Variants in CUBN observed in about 807,000 individuals in gnomAD.
The protein encoded by CUBN is 460 kDa receptor.
CUBN carries 282 observed loss-of-function variants against 405.3 expected under a neutral mutation model. The observed-to-expected ratio is 0.70, with a 90% confidence interval of 0.63 to 0.77. CUBN has a LOEUF of 0.77. CUBN is among the 30% of genes least tolerant of loss of function. The pLI is 0.00. For missense variants in CUBN, 4,514 were observed against 4,475.2 expected (o/e 1.01, Z -0.25); for synonymous variants, 1,684 against 1,617.0 (o/e 1.04, Z -0.99).
In CUBN at chr10:16,842,702, T is replaced by A. The variant is rs186666865; in HGVS notation, c.9664-1655A>T. 3.9e-5 allele frequency among the ~76,000 whole-genome samples: 6 copies of A among 152,216 alleles called. No homozygotes were observed. In the East Asian group the frequency reaches 1.2e-3, roughly 29 times the overall value. ...TGCATGTCTGCAAACTCCAATGAGG[T>A]GATGCTCCTGCTCTGTCTAAAATGC... is the stretch of plus-strand genomic sequence containing the variant. On this transcript the variant is annotated intron_variant, in intron 60 of 66. Coordinates refer to ENST00000377833, the MANE Select transcript of CUBN (RefSeq NM_001081.4).
rs769025660 is a variant in CUBN, at chr10:16,982,502, T to C, written c.4677A>G (p.Pro1559=). The C allele has an allele frequency of 3.7e-6, 6 of 1,613,556 alleles. No individual in the cohort carries two copies. The highest frequency in any genetic ancestry group is 1.1e-5 in the South Asian group (1 of 91,090). The change falls in exon 31 of 67, where the codon CCA becomes CCG. Residue 1559 remains proline (P), a synonymous_variant. Transcript: ENST00000377833. ...CACTTACCATAATACAAGAGTCTTG[T>C]GGTTCAAGATCAAAGTCAGTGAAGT... The part of the protein sequence containing the change: ...LLNFTDFDLE[P]QDSCIMAYDG...
At chr10:16,939,178 C>T (rs750298846) in intron 37 of CUBN, 31 bp from the exon 38 acceptor site, 1 of 1,554,394 alleles carries the variant, frequency 6.4e-7, no homozygotes. Flanking sequence ...GTAAATCAGA[C>T]CCACTTAGAA....
chr10:17,008,231 C>CGT lies in CUBN; in HGVS notation c.4168+11600_4168+11601dup, dbSNP rs141646040. ...GCCCCATGGCTGTAGAGTCCCTGCC[C>CGT]GTGTGTGGTGTGTGTGTGTGTGTGT... On this transcript the variant is annotated intron_variant, in intron 28 of 66. Transcript: ENST00000377833. 9.7e-4 allele frequency among the ~76,000 whole-genome samples: 99 copies of CGT among 102,204 alleles called. 1 individual carries two copies. The highest frequency in any genetic ancestry group is 3.2e-4 in the Non-Finnish European group (16 of 49,316). 67.0% of individuals were successfully genotyped at this position (102,204 alleles called of 152,430 possible).
In CUBN at chr10:16,915,810, AT is replaced by A; in HGVS notation, c.7210+10del. ...TAAACACCCAAAAGAGAGCAGATAT[AT>A]TTTACTAACCAGAGGTATGATTGTC... On this transcript the variant is annotated intron_variant, in intron 46 of 66. Coordinates refer to ENST00000377833, the MANE Select transcript of CUBN (RefSeq NM_001081.4). 1 of 1,605,840 alleles carries A rather than the reference AT, an allele frequency of 6.2e-7. No individual in the cohort carries two copies. The highest frequency in any genetic ancestry group is 8.5e-7 in the Non-Finnish European group (1 of 1,173,946).
chr10:16,902,196 G>GTATATATATGTATATATATAC (rs1486880987), intron 51 of CUBN, among the ~76,000 whole-genome samples: 21 of 125,894 alleles, frequency 1.7e-4, no homozygotes, highest in African/African-American at 6.1e-4. Context: ...TGTATATATA[G>GTATATATATGTATATATATAC]TATATATATT....
chr10:16,908,968 C>T (rs933024494), intron 48 of CUBN, among the ~76,000 whole-genome samples: 8 of 151,014 alleles, frequency 5.3e-5, no homozygotes, highest in Non-Finnish European at 8.9e-5. Context: ...CTGCAAGCTC[C>T]GCTTCCCGGG....
intron 31 of CUBN, among the ~76,000 whole-genome samples, chr10:16,962,901 G>A (rs1042599675): frequency 2.2e-4 from 34 of 152,246 alleles, no homozygotes; most frequent in Middle Eastern, 6.8e-3. Flanking sequence ...AAGTTCTGGG[G>A]TAAGTCTGCG....
intron 31 of CUBN, among the ~76,000 whole-genome samples, chr10:16,978,852 G>A (rs1224126021): frequency 2.0e-5 from 3 of 152,184 alleles, no homozygotes; most frequent in South Asian, 4.1e-4. Context: ...CAGCAATCAG[G>A]CAAGAGAAAG....
In CUBN at chr10:17,104,535, T is replaced by A; in HGVS notation, c.1301A>T (p.Asn434Ile). The A allele has an allele frequency of 6.2e-7, 1 of 1,613,822 alleles. No homozygotes were observed. The change falls in exon 12 of 67, where the codon AAT becomes ATT. Residue 434 changes from asparagine (N) to isoleucine (I), a missense_variant. Transcript: ENST00000377833. ...WTGVNCTENI[N>I]ECLSNPCLNG... ...CAAACAGGGGTTGCTCAAACACTCA[T>A]TGATGTTTTCTGTACAGTTGACACC...
At chr10:16,974,432 T>C (rs887315704) in intron 31 of CUBN, among the ~76,000 whole-genome samples, 2 of 147,174 alleles carry the variant, frequency 1.4e-5, no homozygotes, top group Non-Finnish European at 3.0e-5. Flanking sequence ...ATTAACTCTT[T>C]TTTTTTTTTG....
chr10:16,988,316 G>A (rs967605992), intron 29 of CUBN, among the ~76,000 whole-genome samples: 4 of 152,158 alleles, frequency 2.6e-5, no homozygotes, highest in African/African-American at 7.2e-5. Flanking sequence ...GCAGGCGAGC[G>A]AGGCCATCTG....
In CUBN at chr10:17,126,396, G is replaced by A. The variant is rs187812067; in HGVS notation, c.387+365C>T. Among the ~76,000 whole-genome samples, 153 of 152,288 alleles carry A rather than the reference G, an allele frequency of 1.0e-3. 1 individual carries two copies. Among genetic ancestry groups the A allele is most frequent in the Admixed American group, 6.1e-3 (94 of 15,304 alleles). On this transcript the variant is annotated intron_variant, in intron 4 of 66. Coordinates refer to ENST00000377833, the MANE Select transcript of CUBN (RefSeq NM_001081.4). ...AGACTTCCGAGCTTAGCGTCAGAGA[G>A]GATGCTTGCTTTCCGAGCCCCAGTC...
intron 15 of CUBN, among the ~76,000 whole-genome samples, chr10:17,086,880 C>G (rs1409626204): frequency 6.6e-6 from 1 of 152,092 alleles, no homozygotes; most frequent in Non-Finnish European, 1.5e-5. Flanking sequence ...CATATGGTCT[C>G]CAGAAATGAA....
chr10:17,031,195 A>C (rs1227648012), intron 27 of CUBN, among the ~76,000 whole-genome samples: 3 of 152,242 alleles, frequency 2.0e-5, no homozygotes, highest in Non-Finnish European at 4.4e-5. Context: ...GGCAGAAAAC[A>C]AGAGGAAAAT....
At chr10:17,087,471 T>TA (rs1836141704) in intron 15 of CUBN, among the ~76,000 whole-genome samples, 1 of 97,384 alleles carries the variant, frequency 1.0e-5, no homozygotes, top group Non-Finnish European at 2.0e-5. Flanking sequence ...TTTTTCTTTT[T>TA]CTTTTTTTTT....
intron 43 of CUBN, among the ~76,000 whole-genome samples, chr10:16,924,851 C>G (rs530022929): frequency 6.6e-6 from 1 of 152,074 alleles, no homozygotes; most frequent in African/African-American, 2.4e-5. Context: ...CAAATTATTA[C>G]AAAATAAGGC....
At chr10:16,960,833 A>G (rs745670159) in intron 31 of CUBN, among the ~76,000 whole-genome samples, 4 of 152,146 alleles carry the variant, frequency 2.6e-5, no homozygotes, top group Non-Finnish European at 5.9e-5. Context: ...CTGAAGGAGA[A>G]TGAAGGGGCC....
chr10:17,029,777 A>C (rs2131802287), intron 27 of CUBN, among the ~76,000 whole-genome samples: 1 of 152,322 alleles, frequency 6.6e-6, no homozygotes, highest in East Asian at 1.9e-4. Flanking sequence ...TGCTCAGACA[A>C]AATCTCATCT....
chr10:17,055,510 T>C (rs776144289), intron 22 of CUBN, among the ~76,000 whole-genome samples: 1 of 152,096 alleles, frequency 6.6e-6, no homozygotes, highest in Non-Finnish European at 1.5e-5. Context: ...GTCATCTATG[T>C]AGTATATACT....
Sources: allele counts gnomAD v4.1 joint callset (sites outside exome capture counted in the v4.1 genomes callset), GRCh38; gene constraint gnomAD v4.1.1; transcripts MANE v1.5; gene names NCBI Gene and HGNC (gene_info 2026-07-23, HGNC 2026-07-21).